Variants in ASAH2 observed in about 807,000 individuals in gnomAD.
ASAH2 encodes the protein neutral ceramidase.
Under a neutral mutation model 82.9 loss-of-function variants are expected in ASAH2, and 58 were observed. That is an observed-to-expected ratio of 0.70 (90% CI 0.57 to 0.87). The LOEUF is 0.87. ASAH2 is among the 40% of genes least tolerant of loss of function. The pLI is 0.00. For synonymous variants in ASAH2, 276 were observed against 289.7 expected (o/e 0.95, Z 0.48); for missense variants, 779 against 834.0 (o/e 0.93, Z 0.81).
chr10:50,225,659 T>C (rs1409006205), intron 7 of ASAH2, among the ~76,000 whole-genome samples: 1 of 152,084 alleles, frequency 6.6e-6, no homozygotes, highest in Non-Finnish European at 1.5e-5. Context: ...GTTTGAGTAA[T>C]GGGAGAGTAA....
At chr10:50,240,693 C>T (rs1846272196) in intron 4 of ASAH2, 2 of 664,526 alleles carry the variant, frequency 3.0e-6, no homozygotes, top group East Asian at 2.7e-5. Context: ...CTACATCCCT[C>T]CTTTGTGCCT....
In ASAH2 at chr10:50,243,294, G is replaced by A. The variant is rs757215251; in HGVS notation, c.418C>T (p.Arg140Cys). The change falls in exon 4 of 21, where the codon CGT becomes TGT. Residue 140 changes from arginine (R) to cysteine (C), a missense_variant. This residue lies in a region of ASAH2 where 759 missense variants were observed against 755.2 expected (regional missense o/e 1.00). Transcript: ENST00000682911. ...AQGILTRLYS[R>C]AFIMAEPDGS... ...TCAGGTTCTGCCATGATGAAGGCAC[G>A]ACTGTATAGCCTGGTGAGGATGCCC... is the stretch of plus-strand genomic sequence containing the variant. 23 of 1,614,084 alleles carry A rather than the reference G, an allele frequency of 1.4e-5. No homozygotes were observed. Among genetic ancestry groups the A allele is most frequent in the South Asian group, 1.3e-4 (12 of 91,074 alleles).
At chr10:50,249,598 A>G (rs1189156845) in intron 1 of ASAH2, among the ~76,000 whole-genome samples, 4 of 152,232 alleles carry the variant, frequency 2.6e-5, no homozygotes, top group Non-Finnish European at 5.9e-5. Context: ...GAATATGATT[A>G]TGATCATCTT....
At chr10:50,231,902 G>C (rs1846029869) in intron 7 of ASAH2, among the ~76,000 whole-genome samples, 1 of 152,122 alleles carries the variant, frequency 6.6e-6, no homozygotes, top group African/African-American at 2.4e-5. Context: ...GTCAGGCACA[G>C]AACTAGAGTT....
chr10:50,214,886 A>C lies in ASAH2; in HGVS notation c.1015-18T>G. 2 of 1,613,092 alleles carry C rather than the reference A, an allele frequency of 1.2e-6. No individual in the cohort carries two copies. The highest frequency in any genetic ancestry group is 1.7e-6 in the Non-Finnish European group (2 of 1,179,474). ...AATGGCCCCTGCCAAAAGAAATGCC[A>C]AGTTGCCTTTTATTCTTTCCTATTT... On this transcript the variant is annotated intron_variant, in intron 8 of 20. Transcript: ENST00000682911.
chr10:50,236,473 C>T (rs915172489), intron 4 of ASAH2, among the ~76,000 whole-genome samples: 6 of 152,058 alleles, frequency 3.9e-5, no homozygotes, highest in East Asian at 3.9e-4. Context: ...GTCCCTCCCA[C>T]GACACATGGG....
rs548270663 is a variant in ASAH2, at chr10:50,243,592, G to A, written c.361-241C>T. On this transcript the variant is annotated intron_variant, in intron 3 of 20. Coordinates refer to ENST00000682911, the MANE Select transcript of ASAH2 (RefSeq NM_019893.4). ...TAGAAAAATGCAAAGGCAAAGAATC[G>A]ATCAGGTTGGCAGAAGCTGTTCCCT... Among the ~76,000 whole-genome samples the A allele has an allele frequency of 1.9e-4, 29 of 152,278 alleles. No individual in the cohort carries two copies. The South Asian group carries it at 2.7e-3, about 14-fold the overall frequency.
Position 50,243,238 on chromosome 10 carries a change from G to A in ASAH2, c.474C>T (p.Ile158=), listed in dbSNP as rs371356984. The A allele has an allele frequency of 2.0e-5, 33 of 1,613,856 alleles. No individual in the cohort carries two copies. Among genetic ancestry groups the A allele is most frequent in the African/African-American group, 6.7e-5 (5 of 74,856 alleles). ...DGSNRTVFVS[I]DIGMVSQRLR... is the part of the protein sequence containing the mutation. ...GCCTTTGTGATACCATGCCTATGTC[G>A]ATGCTGACAAACACTGTTCGATTGG... Residue 158 remains isoleucine (I), a synonymous_variant, in exon 4 of 21, where the codon ATC becomes ATT. Coordinates refer to ENST00000682911, the MANE Select transcript of ASAH2 (RefSeq NM_019893.4).
At chr10:50,203,546 T>C in intron 15 of ASAH2, 94 bp downstream of exon 15, 1 of 1,126,368 alleles carries the variant, frequency 8.9e-7, no homozygotes, top group South Asian at 1.2e-5. Context: ...TTTCAAGAAA[T>C]GTGGAACTCT....
In ASAH2 at chr10:50,237,004, T is replaced by G. The variant is rs1194414084; in HGVS notation, c.511-940A>C. On this transcript the variant is annotated intron_variant, in intron 4 of 20. Transcript: ENST00000682911. Reference sequence around the variant, plus strand: ...TGATAGATGCTATGAAGAAAAACATTGTTGCATAAGGAAAAAGAAAGTAGT... The same window carrying G: ...TGATAGATGCTATGAAGAAAAACATGGTTGCATAAGGAAAAAGAAAGTAGT... Among the ~76,000 whole-genome samples, 3 of 152,214 alleles carry G rather than the reference T, an allele frequency of 2.0e-5. No individual in the cohort carries two copies. The East Asian group carries it at 5.8e-4, about 29-fold the overall frequency.
Position 50,202,888 on chromosome 10 carries a change from C to A in ASAH2, c.1702G>T (p.Val568Phe), listed in dbSNP as rs1845192213. Reference protein sequence around the residue: ...ASHGMQNMTVVISGLCNVYTH... With the variant: ...ASHGMQNMTVFISGLCNVYTH... ...TAGACGTTGCATAGACCTGAAATAACAACAGTCATGTTCTGCATCCCATGA... is the reference window on the plus strand; with the variant it reads ...TAGACGTTGCATAGACCTGAAATAAAAACAGTCATGTTCTGCATCCCATGA... The change falls in exon 16 of 21, where the codon GTT becomes TTT. Residue 568 changes from valine to phenylalanine, a missense_variant. Coordinates refer to ENST00000682911, the MANE Select transcript of ASAH2 (RefSeq NM_019893.4). 9 of 1,611,978 alleles carry A rather than the reference C, an allele frequency of 5.6e-6. No individual in the cohort carries two copies. The Admixed American group carries it at 6.7e-5, about 12-fold the overall frequency.
intron 9 of ASAH2, 102 bp from the exon 10 acceptor site, chr10:50,213,160 C>A: frequency 9.4e-7 from 1 of 1,068,610 alleles, no homozygotes; most frequent in South Asian, 1.3e-5. Flanking sequence ...TTTAAAACCA[C>A]ATTCTTGCAT....
At chr10:50,236,155 T>A in intron 4 of ASAH2, 91 bp from the exon 5 acceptor site, 1 of 1,090,398 alleles carries the variant, frequency 9.2e-7, no homozygotes, top group African/African-American at 1.5e-5. Flanking sequence ...CACTGATCCA[T>A]ACCAATAACA....
At chr10:50,214,441 G>C (rs1396682172) in intron 9 of ASAH2, among the ~76,000 whole-genome samples, 1 of 152,082 alleles carries the variant, frequency 6.6e-6, no homozygotes, top group African/African-American at 2.4e-5. Context: ...TGTGACTTTC[G>C]AAATGCCAAA....
rs780941256 is a variant in ASAH2 at position 50,245,288 on chromosome 10, G to A, written c.294C>T (p.Asn98=). The change falls in exon 3 of 21, where the codon AAC becomes AAT. Residue 98 remains asparagine (N), a synonymous_variant. Coordinates refer to ENST00000682911, the MANE Select transcript of ASAH2 (RefSeq NM_019893.4). The stretch of plus-strand genomic sequence containing the variant: ...CAACACCAATATGGTAGCCACTGAA[G>A]TTCTGAAATAGAGGAGACTCTGGGG... The part of the protein sequence containing the change: ...PLTPESPLFQ[N]FSGYHIGVGR... 1.0e-4 allele frequency: 162 copies of A among 1,613,996 alleles called. No homozygotes were observed. Among genetic ancestry groups the A allele is most frequent in the Middle Eastern group, 3.3e-4 (2 of 6,084 alleles).
intron 10 of ASAH2, 82 bp downstream of exon 10, chr10:50,212,890 T>C: frequency 7.4e-7 from 1 of 1,353,866 alleles, no homozygotes; most frequent in Non-Finnish European, 1.1e-6. Flanking sequence ...TCTTTAAGTA[T>C]TCAACTTCCT....
At chr10:50,248,410 C>G (rs1564855271) in intron 2 of ASAH2, 74 bp downstream of exon 2, 1 of 1,548,912 alleles carries the variant, frequency 6.5e-7, no homozygotes, top group Non-Finnish European at 8.8e-7. Context: ...CTGTTTTTCT[C>G]TTTGGTGTCC....
At chr10:50,245,523 C>T in intron 2 of ASAH2, 69 bp from the exon 3 acceptor site, 1 of 1,358,500 alleles carries the variant, frequency 7.4e-7, no homozygotes, top group African/African-American at 1.5e-5. Context: ...AATTAGAACA[C>T]AATATATAGG....
chr10:50,231,880 GC>G (rs1846029380), intron 7 of ASAH2, among the ~76,000 whole-genome samples: 2 of 152,084 alleles, frequency 1.3e-5, no homozygotes, highest in Non-Finnish European at 2.9e-5. Flanking sequence ...AAATGATTAA[GC>G]TTTTTTCTAT....
Sources: gnomAD v4.1 joint callset for allele counts (sites outside exome capture counted in the v4.1 genomes callset) on GRCh38, gnomAD v4.1.1 for gene constraint, gnomAD v4.1.1 regional missense constraint, MANE v1.5 for transcripts, NCBI Gene and HGNC (gene_info 2026-07-23, HGNC 2026-07-21) for gene names.